Variants in PREX1 observed in about 807,000 individuals in gnomAD.
The protein encoded by PREX1 is phosphatidylinositol 3,4,5-trisphosphate-dependent Rac exchanger 1 protein.
In PREX1, 41 loss-of-function variants were observed where a neutral mutation model predicts 198.3. The observed-to-expected ratio is 0.21, with a 90% CI of 0.16 to 0.27. The LOEUF (loss-of-function observed/expected upper bound fraction) is 0.27, where lower values mean the gene tolerates loss of function less well. Ranked by LOEUF, PREX1 falls within the 10% of genes least tolerant of loss-of-function variation. The pLI is 1.00. For missense variants in PREX1, 1,620 were observed against 2,200.7 expected, an observed-to-expected ratio of 0.74 and a Z score of 5.28; for synonymous variants, 843 against 887.2, an observed-to-expected ratio of 0.95 and a Z score of 0.89.
intron 5 of PREX1, among the ~76,000 whole-genome samples, chr20:48,713,996 A>G (rs569458337): frequency 6.6e-6 from 1 of 152,256 alleles, no homozygotes; most frequent in Admixed American, 6.5e-5. Flanking sequence ...TGGACAAAAG[A>G]ACTGTCTTTT....
intron 14 of PREX1, among the ~76,000 whole-genome samples, chr20:48,669,480 T>A (rs2089661147): frequency 6.6e-6 from 1 of 152,190 alleles, no homozygotes; most frequent in Admixed American, 6.5e-5. Flanking sequence ...GCAGGGACAC[T>A]GCCTGCCATG....
At chr20:48,726,476 G>T in intron 4 of PREX1, 85 bp from the exon 5 acceptor site, 1 of 947,602 alleles carries the variant, frequency 1.1e-6, no homozygotes, top group Non-Finnish European at 1.7e-6. Flanking sequence ...AACGCTCTCA[G>T]AGCACAGCTA....
chr20:48,699,678 C>A (rs923417929), intron 7 of PREX1, among the ~76,000 whole-genome samples: 2 of 152,208 alleles, frequency 1.3e-5, no homozygotes, highest in Non-Finnish European at 2.9e-5. Flanking sequence ...AATCTCCAAA[C>A]CTCCGTCACC....
chr20:48,736,863 C>T (rs1315796035), intron 3 of PREX1, among the ~76,000 whole-genome samples: 2 of 152,170 alleles, frequency 1.3e-5, no homozygotes, highest in African/African-American at 2.4e-5. Flanking sequence ...CCACTATCAG[C>T]ATCAACCCTG....
chr20:48,709,532 G>A (rs879351361), intron 5 of PREX1, among the ~76,000 whole-genome samples: 1 of 152,204 alleles, frequency 6.6e-6, no homozygotes, highest in Non-Finnish European at 1.5e-5. Context: ...AGCAATTAAT[G>A]TCTACTGAGC....
chr20:48,853,947 G>T, the PREX1 span, among the ~76,000 whole-genome samples: 1 of 152,208 alleles, frequency 6.6e-6, no homozygotes, highest in African/African-American at 2.4e-5. Context: ...GGGTGAGCCA[G>T]ATGGGGCAAT....
rs562787687 is a variant in PREX1, at chr20:48,649,248, G to A, written c.3305+52C>T. Reference sequence around the variant, plus strand: ...CTACCCACAATGTCAGTAAGGCCAGGATTGAGAACACCTGCCCCTGCTCAC... The same window carrying A: ...CTACCCACAATGTCAGTAAGGCCAGAATTGAGAACACCTGCCCCTGCTCAC... On this transcript the variant is annotated intron_variant, in intron 25 of 39. Coordinates refer to ENST00000371941, the MANE Select transcript of PREX1 (RefSeq NM_020820.4). 13 of 1,581,626 alleles carry A rather than the reference G, an allele frequency of 8.2e-6. No homozygotes were observed. The Admixed American group carries it at 1.5e-4, about 19-fold the overall frequency.
intron 25 of PREX1, among the ~76,000 whole-genome samples, chr20:48,646,675 C>CAAAA (rs552888256): frequency 2.4e-5 from 2 of 82,548 alleles, no homozygotes; most frequent in East Asian, 3.9e-4. Context: ...GAACCCATCT[C>CAAAA]AAAAAAAAAA....
chr20:48,749,591 C>T (rs1051162536), intron 1 of PREX1, among the ~76,000 whole-genome samples: 23 of 152,194 alleles, frequency 1.5e-4, no homozygotes, highest in African/African-American at 5.1e-4. Flanking sequence ...CCCAGAGACA[C>T]GACACGTCCA....
intron 34 of PREX1, 27 bp from the exon 35 acceptor site, chr20:48,632,418 C>T (rs879051888): frequency 6.2e-7 from 1 of 1,613,220 alleles, no homozygotes; most frequent in East Asian, 2.2e-5. Flanking sequence ...CGGGGGCGGG[C>T]AGGCGGTTGG....
At chr20:48,860,315 C>G in the PREX1 span, among the ~76,000 whole-genome samples, 1 of 152,116 alleles carries the variant, frequency 6.6e-6, no homozygotes, top group Non-Finnish European at 1.5e-5. Flanking sequence ...GATGAGGTCC[C>G]TAGAGTAGTC....
intron 1 of PREX1, among the ~76,000 whole-genome samples, chr20:48,796,189 GA>G (rs1467221932): frequency 2.6e-5 from 4 of 151,618 alleles, no homozygotes; most frequent in African/African-American, 7.3e-5. Flanking sequence ...TCCATTCCCA[GA>G]AATGAATAAA....
the PREX1 span, among the ~76,000 whole-genome samples, chr20:48,857,519 C>A: frequency 5.3e-4 from 80 of 152,192 alleles, no homozygotes; most frequent in African/African-American, 1.8e-3. Context: ...TGCACTCCAG[C>A]CTGGGAGACA....
chr20:48,707,904 A>C (rs1402119321), intron 6 of PREX1, among the ~76,000 whole-genome samples: 1 of 152,042 alleles, frequency 6.6e-6, no homozygotes, highest in Non-Finnish European at 1.5e-5. Flanking sequence ...GGACACTAGA[A>C]CCCGACCCTT....
At position 48,656,271 on chromosome 20, in the gene PREX1, C is replaced by G. The variant is rs184787385; in HGVS notation, c.2123+769G>C. On this transcript the variant is annotated intron_variant, in intron 18 of 39. Coordinates refer to ENST00000371941, the MANE Select transcript of PREX1 (RefSeq NM_020820.4). ...TACCCCTAGCACGGGTCTGCTCCTC[C>G]CACCCCTGCTCTCGCACTCTGCTGA... Among the ~76,000 whole-genome samples, 323 of 152,304 alleles carry G rather than the reference C, an allele frequency of 2.1e-3. 2 individuals carry two copies. Among genetic ancestry groups the G allele is most frequent in the African/African-American group, 7.4e-3 (309 of 41,566 alleles).
chr20:48,840,576 T>G, the PREX1 span, among the ~76,000 whole-genome samples: 1 of 152,156 alleles, frequency 6.6e-6, no homozygotes. Flanking sequence ...TTCAGGTGTG[T>G]GGGGCAGTGA....
In PREX1 at chr20:48,708,257, C is replaced by G. The variant is rs960824633; in HGVS notation, c.783+3G>C. On this transcript the variant is annotated splice_donor_region_variant and intron_variant, in intron 6 of 39. Transcript: ENST00000371941. Reference sequence around the variant, plus strand: ...AGGAAGCCCCCTCCTGTCCTGTACACACCTCCCAGCCTTCGATGTGGGACT... The same window carrying G: ...AGGAAGCCCCCTCCTGTCCTGTACAGACCTCCCAGCCTTCGATGTGGGACT... 1.9e-5 allele frequency: 30 copies of G among 1,613,654 alleles called. No individual in the cohort carries two copies. The highest frequency in any genetic ancestry group is 2.4e-5 in the Non-Finnish European group (28 of 1,179,972).
At chr20:48,702,731 C>T (rs930437961) in intron 6 of PREX1, among the ~76,000 whole-genome samples, 3 of 152,260 alleles carry the variant, frequency 2.0e-5, no homozygotes, top group Admixed American at 6.5e-5. Flanking sequence ...GACTGTCCGC[C>T]TCTGCACTGC....
intron 1 of PREX1, among the ~76,000 whole-genome samples, chr20:48,748,251 T>C (rs951191218): frequency 3.3e-5 from 5 of 151,548 alleles, no homozygotes; most frequent in African/African-American, 1.2e-4. Flanking sequence ...CCCTTTCAAT[T>C]TTTTTTTTAC....
Sources: gnomAD v4.1 joint callset for allele counts (sites outside exome capture counted in the v4.1 genomes callset) on GRCh38, gnomAD v4.1.1 for gene constraint, MANE v1.5 for transcripts, NCBI Gene and HGNC (gene_info 2026-07-23, HGNC 2026-07-21) for gene names.